Variants in THRB observed in about 807,000 individuals in gnomAD.
The protein encoded by THRB is nuclear receptor subfamily 1 group A member 2.
Under a neutral mutation model 47.8 loss-of-function variants are expected in THRB, and 12 were observed. The observed-to-expected ratio is 0.25, with a 90% CI of 0.16 to 0.41. THRB has a LOEUF of 0.41. Among genes scored for constraint, THRB ranks in the 10% least tolerant of loss-of-function variants. The pLI, the probability that THRB is intolerant of heterozygous loss-of-function variation, is 1.00. For synonymous variants in THRB, 218 were observed against 212.2 expected (o/e 1.03, Z -0.24); for missense variants, 348 against 589.2 (o/e 0.59, Z 4.24).
chr3:24,183,055 TAA>T (rs1021432237), intron 5 of THRB, among the ~76,000 whole-genome samples: 46 of 152,342 alleles, frequency 3.0e-4, no homozygotes, highest in African/African-American at 9.1e-4. Flanking sequence ...TTTTAAATTT[TAA>T]AAGAGTCTGA....
chr3:24,361,999 T>A (rs1405173817), intron 1 of THRB, among the ~76,000 whole-genome samples: 2 of 152,166 alleles, frequency 1.3e-5, no homozygotes, highest in Admixed American at 6.5e-5. Flanking sequence ...GTAATATTGA[T>A]GATGTTACTT....
In THRB at chr3:24,175,926, C is replaced by T. The variant is rs544168729; in HGVS notation, c.283+14148G>A. Among the ~76,000 whole-genome samples, 5 of 152,194 alleles carry T rather than the reference C, an allele frequency of 3.3e-5. No individual in the cohort carries two copies. In the South Asian group the frequency reaches 1.0e-3, roughly 32 times the overall value. ...AAAGGTTAGTATTGAAATTTAGGCC[C>T]TCAAGTTACTATTCTAGAAATCACT... is the stretch of plus-strand genomic sequence containing the variant. On this transcript the variant is annotated intron_variant, in intron 5 of 10. Coordinates refer to ENST00000646209, the MANE Select transcript of THRB (RefSeq NM_001354712.2).
intron 4 of THRB, among the ~76,000 whole-genome samples, chr3:24,192,701 A>AG: frequency 6.6e-6 from 1 of 152,122 alleles, no homozygotes; most frequent in Non-Finnish European, 1.5e-5. Context: ...GCCAGCAAGA[A>AG]GGGGTTTTTT....
At chr3:24,259,122 A>C (rs1014096409) in intron 3 of THRB, among the ~76,000 whole-genome samples, 3 of 152,116 alleles carry the variant, frequency 2.0e-5, no homozygotes, top group African/African-American at 7.2e-5. Context: ...ATTTATCAAA[A>C]ATTCGAGGAT....
At position 24,375,644 on chromosome 3, in the gene THRB, A is replaced by AC. The variant is rs199705047; in HGVS notation, c.-260-38274dup. Among the ~76,000 whole-genome samples, 1,281 of 151,142 alleles carry AC rather than the reference A, an allele frequency of 8.5e-3. 18 individuals carry two copies. Among genetic ancestry groups the AC allele is most frequent in the African/African-American group, 0.027 (1,103 of 41,256 alleles). ...GTCCTTTAAAGCTAAATTTTCTTAG[A>AC]CCCCCCCAGACTACTACTGATAGAA... On this transcript the variant is annotated intron_variant, in intron 1 of 10. Transcript: ENST00000646209.
chr3:24,327,208 T>C (rs751832995), intron 2 of THRB, among the ~76,000 whole-genome samples: 1 of 152,204 alleles, frequency 6.6e-6, no homozygotes. Flanking sequence ...GTGAGAGAGA[T>C]GAACATTTTT....
In THRB at chr3:24,146,835, C is replaced by A; in HGVS notation, c.385-13G>T. The stretch of plus-strand genomic sequence containing the variant: ...TTCTAAAGAAACCCTATATGAAAAA[C>A]AAAGACCCAAGACAACAGTTTCATA... On this transcript the variant is annotated splice_polypyrimidine_tract_variant and intron_variant, in intron 6 of 10. Coordinates refer to ENST00000646209, the MANE Select transcript of THRB (RefSeq NM_001354712.2). 1 of 1,612,706 alleles carries A rather than the reference C, an allele frequency of 6.2e-7. No homozygotes were observed. Among genetic ancestry groups the A allele is most frequent in the African/African-American group, 1.3e-5 (1 of 75,004 alleles).
intron 5 of THRB, among the ~76,000 whole-genome samples, chr3:24,167,549 T>C (rs2039811479): frequency 6.6e-6 from 1 of 152,232 alleles, no homozygotes; most frequent in African/African-American, 2.4e-5. Flanking sequence ...TGTTTTTTTG[T>C]CTGATGTCAT....
At chr3:24,258,228 G>A (rs973891512) in intron 3 of THRB, among the ~76,000 whole-genome samples, 35 of 152,110 alleles carry the variant, frequency 2.3e-4, no homozygotes, top group Admixed American at 6.5e-5. Context: ...CAATGCAAGC[G>A]ACGCCTAAGA....
At chr3:24,385,019 G>A (rs75672832) in intron 1 of THRB, among the ~76,000 whole-genome samples, 3 of 152,084 alleles carry the variant, frequency 2.0e-5, no homozygotes, top group Non-Finnish European at 4.4e-5. Flanking sequence ...TTAAGTAAAA[G>A]TATAATGGTT....
chr3:24,299,802 T>A (rs1298887107), intron 2 of THRB, among the ~76,000 whole-genome samples: 59 of 132,972 alleles, frequency 4.4e-4, no homozygotes, highest in African/African-American at 1.6e-3. Context: ...TTTTTTTTTT[T>A]AGCAAACATA....
chr3:24,221,749 C>T (rs1017086598), intron 4 of THRB, among the ~76,000 whole-genome samples: 1 of 152,134 alleles, frequency 6.6e-6, no homozygotes, highest in African/African-American at 2.4e-5. Flanking sequence ...AATTTGGAAA[C>T]TGAAGTTGTT....
At position 24,275,971 on chromosome 3, in the gene THRB, C is replaced by T. The variant is rs2053875011; in HGVS notation, c.-43+21255G>A. Among the ~76,000 whole-genome samples the T allele has an allele frequency of 2.0e-5, 3 of 152,052 alleles. 1 individual carries two copies. In the South Asian group the frequency reaches 6.2e-4, roughly 32 times the overall value. ...CACACACCACAGGCTTTACTCATTT[C>T]CCAGAAACTGAAATGTCCAGGGACT... On this transcript the variant is annotated intron_variant, in intron 3 of 10. Coordinates refer to ENST00000646209, the MANE Select transcript of THRB (RefSeq NM_001354712.2).
At chr3:24,450,227 T>C (rs1321587204) in intron 1 of THRB, among the ~76,000 whole-genome samples, 1 of 152,234 alleles carries the variant, frequency 6.6e-6, no homozygotes, top group Non-Finnish European at 1.5e-5. Context: ...TATGTATTCA[T>C]AGTCTGAAAA....
At chr3:24,439,748 G>A (rs371021739) in intron 1 of THRB, among the ~76,000 whole-genome samples, 3 of 152,288 alleles carry the variant, frequency 2.0e-5, no homozygotes, top group African/African-American at 7.2e-5. Context: ...TCACCAAAGT[G>A]ATGAAAAATA....
chr3:24,176,506 G>A (rs2041173212), intron 5 of THRB, among the ~76,000 whole-genome samples: 1 of 152,114 alleles, frequency 6.6e-6, no homozygotes, highest in Non-Finnish European at 1.5e-5. Context: ...AACAACTAGT[G>A]CAAAATTTAG....
At chr3:24,409,945 G>T (rs2068142855) in intron 1 of THRB, among the ~76,000 whole-genome samples, 2 of 151,834 alleles carry the variant, frequency 1.3e-5, no homozygotes, top group Admixed American at 1.3e-4. Flanking sequence ...ATTTCAATGT[G>T]TTAAGCAGAC....
rs750642729 is a variant in THRB at position 24,228,946 on chromosome 3, C to CTG, written c.12_13dup (p.Ser5ThrfsTer3). 6.2e-7 allele frequency: 1 copy of CTG among 1,612,210 alleles called. No homozygotes were observed. Among genetic ancestry groups the CTG allele is most frequent in the Non-Finnish European group, 8.5e-7 (1 of 1,178,984 alleles). On this transcript the variant is annotated frameshift_variant, in exon 4 of 11. Transcript: ENST00000646209. LOFTEE classifies it high-confidence loss of function. ...TAAAAAAAAAAAGATACCTGTCATA[C>CTG]TGTTGGGAGTCATAGGTTAGTAATC...
At chr3:24,154,663 C>T (rs2037525470) in intron 5 of THRB, among the ~76,000 whole-genome samples, 1 of 152,120 alleles carries the variant, frequency 6.6e-6, no homozygotes, top group Non-Finnish European at 1.5e-5. Flanking sequence ...TAAAGACCTA[C>T]TTATAAAACA....
Sources: gnomAD v4.1 joint callset for allele counts (sites outside exome capture counted in the v4.1 genomes callset) on GRCh38, gnomAD v4.1.1 for gene constraint, MANE v1.5 for transcripts, NCBI Gene and HGNC (gene_info 2026-07-23, HGNC 2026-07-21) for gene names.